SORCS1: variants seen among roughly 807,000 people sequenced by gnomAD.
SORCS1 encodes VPS10 domain-containing receptor SorCS1.
In SORCS1, 60 loss-of-function variants were observed where a neutral mutation model predicts 146.1. That is an observed-to-expected ratio of 0.41 (90% CI 0.33 to 0.51). The LOEUF (loss-of-function observed/expected upper bound fraction) is 0.51, where lower values mean the gene tolerates loss of function less well. Ranked by LOEUF, SORCS1 falls within the 20% of genes least tolerant of loss-of-function variation. The pLI is 0.21. For missense variants in SORCS1, 1,352 were observed against 1,487.6 expected (o/e 0.91, Z 1.50); for synonymous variants, 637 against 584.0 (o/e 1.09, Z -1.31).
At position 107,068,729 on chromosome 10, in the gene SORCS1, G is replaced by A. The variant is rs188536185; in HGVS notation, c.558+95240C>T. Among the ~76,000 whole-genome samples, 196 of 152,246 alleles carry A rather than the reference G, an allele frequency of 1.3e-3. 1 individual carries two copies. The highest frequency in any genetic ancestry group is 2.1e-4 in the South Asian group (1 of 4,826). Reference sequence around the variant, plus strand: ...AAAATACAAAAACAAAATTAGCTGGGCGTGGTGGTGGGGGCCTGTAGTCCC... The same window carrying A: ...AAAATACAAAAACAAAATTAGCTGGACGTGGTGGTGGGGGCCTGTAGTCCC... On this transcript the variant is annotated intron_variant, in intron 1 of 25. Coordinates refer to ENST00000263054, the MANE Select transcript of SORCS1 (RefSeq NM_052918.5).
intron 2 of SORCS1, among the ~76,000 whole-genome samples, chr10:106,952,764 C>T (rs1287629913): frequency 2.0e-5 from 3 of 151,066 alleles, no homozygotes; most frequent in Non-Finnish European, 2.9e-5. Flanking sequence ...TTACTTGAAC[C>T]CAGGAGCTCA....
chr10:106,995,312 T>TG (rs750760293), intron 1 of SORCS1, among the ~76,000 whole-genome samples: 30 of 94,758 alleles, frequency 3.2e-4, no homozygotes, highest in African/African-American at 1.0e-3. Flanking sequence ...AGACTCCATC[T>TG]CAAAAAAAAA....
chr10:106,758,566 C>T (rs867809905), intron 5 of SORCS1, among the ~76,000 whole-genome samples: 1 of 152,184 alleles, frequency 6.6e-6, no homozygotes, highest in Non-Finnish European at 1.5e-5. Context: ...TCATTTATTT[C>T]AGTCCTTCAT....
chr10:107,009,853 T>C (rs1031711007), intron 1 of SORCS1, among the ~76,000 whole-genome samples: 2 of 152,058 alleles, frequency 1.3e-5, no homozygotes, highest in Non-Finnish European at 2.9e-5. Context: ...AATAGGTGCA[T>C]AGGGAGACAA....
At chr10:106,678,475 G>T (rs1288803516) in intron 12 of SORCS1, among the ~76,000 whole-genome samples, 1 of 152,182 alleles carries the variant, frequency 6.6e-6, no homozygotes, top group Non-Finnish European at 1.5e-5. Context: ...ATTTAAAGGA[G>T]AGTGCTCTCA....
chr10:106,813,568 T>C (rs1412386015), intron 3 of SORCS1, among the ~76,000 whole-genome samples: 1 of 152,152 alleles, frequency 6.6e-6, no homozygotes, highest in Non-Finnish European at 1.5e-5. Flanking sequence ...AATATTGTCT[T>C]GTTACAGAAA....
At chr10:107,000,845 C>T (rs1309543522) in intron 1 of SORCS1, among the ~76,000 whole-genome samples, 4 of 151,898 alleles carry the variant, frequency 2.6e-5, no homozygotes, top group Non-Finnish European at 5.9e-5. Flanking sequence ...GGGGAAGGGG[C>T]AATGCCAGTT....
chr10:106,795,635 T>G (rs997268787), intron 3 of SORCS1, among the ~76,000 whole-genome samples: 2 of 152,196 alleles, frequency 1.3e-5, no homozygotes, highest in African/African-American at 4.8e-5. Context: ...TTCTGAGCCA[T>G]TGAAATAATG....
intron 2 of SORCS1, among the ~76,000 whole-genome samples, chr10:106,831,198 T>C (rs1038819004): frequency 6.6e-6 from 1 of 151,888 alleles, no homozygotes; most frequent in Non-Finnish European, 1.5e-5. Flanking sequence ...CAAGACTCCA[T>C]CTCAAAAAAA....
chr10:106,739,781 C>T (rs1857230619), intron 5 of SORCS1, among the ~76,000 whole-genome samples: 1 of 151,754 alleles, frequency 6.6e-6, no homozygotes, highest in South Asian at 2.1e-4. Flanking sequence ...GAAACCCCGT[C>T]TCTACTAAAA....
intron 3 of SORCS1, among the ~76,000 whole-genome samples, chr10:106,807,410 CA>C (rs1388080772): frequency 6.6e-6 from 1 of 152,150 alleles, no homozygotes; most frequent in East Asian, 1.9e-4. Flanking sequence ...CTGGGACTCC[CA>C]ATTACATCTC....
intron 1 of SORCS1, among the ~76,000 whole-genome samples, chr10:107,057,974 G>A: frequency 6.6e-6 from 1 of 152,156 alleles, no homozygotes; most frequent in Non-Finnish European, 1.5e-5. Flanking sequence ...ATGACCCACA[G>A]TGCCTGGCCT....
chr10:106,979,110 C>G (rs1031645021), intron 1 of SORCS1, among the ~76,000 whole-genome samples: 2 of 151,552 alleles, frequency 1.3e-5, no homozygotes, highest in African/African-American at 2.4e-5. Context: ...TGAAATGGAG[C>G]CAAAAAAGAA....
Position 106,983,306 on chromosome 10 carries a change from T to C in SORCS1, c.559-26726A>G, listed in dbSNP as rs1001470493. Among the ~76,000 whole-genome samples, 9 of 149,880 alleles carry C rather than the reference T, an allele frequency of 6.0e-5. No individual in the cohort carries two copies. In the Admixed American group the frequency reaches 6.0e-4, roughly 10 times the overall value. Reference sequence around the variant, plus strand: ...TATTTCTATTCTTAGAAATTAACACTAGGGAAGCAACATATTAATGGGTAA... The same window carrying C: ...TATTTCTATTCTTAGAAATTAACACCAGGGAAGCAACATATTAATGGGTAA... On this transcript the variant is annotated intron_variant, in intron 1 of 25. Coordinates refer to ENST00000263054, the MANE Select transcript of SORCS1 (RefSeq NM_052918.5).
chr10:106,825,247 G>C (rs1948243898), intron 3 of SORCS1, among the ~76,000 whole-genome samples: 1 of 150,568 alleles, frequency 6.6e-6, no homozygotes, highest in Non-Finnish European at 1.5e-5. Context: ...CAGAGAATTT[G>C]AGAGTGAAAT....
At chr10:106,929,772 T>TGC (rs1404120496) in intron 2 of SORCS1, among the ~76,000 whole-genome samples, 1 of 113,182 alleles carries the variant, frequency 8.8e-6, no homozygotes, top group African/African-American at 3.1e-5. Flanking sequence ...CATGTGCACG[T>TGC]GCACACACAC....
chr10:107,071,755 A>G (rs1316000785), intron 1 of SORCS1, among the ~76,000 whole-genome samples: 2 of 152,224 alleles, frequency 1.3e-5, no homozygotes, highest in African/African-American at 4.8e-5. Flanking sequence ...GACAGAAACC[A>G]CATCACTTAC....
chr10:106,690,467 T>C (rs567635200), intron 9 of SORCS1, among the ~76,000 whole-genome samples: 15 of 152,312 alleles, frequency 9.8e-5, no homozygotes, highest in African/African-American at 3.6e-4. Flanking sequence ...CTGGCAAGGG[T>C]GCCAGCGCAG....
At chr10:106,959,339 A>T (rs1338264150) in intron 1 of SORCS1, among the ~76,000 whole-genome samples, 1 of 152,230 alleles carries the variant, frequency 6.6e-6, no homozygotes, top group East Asian at 1.9e-4. Flanking sequence ...TCAGAACAAG[A>T]GCAAGAAAGA....
Sources: gnomAD v4.1 joint callset for allele counts (sites outside exome capture counted in the v4.1 genomes callset) on GRCh38, gnomAD v4.1.1 for gene constraint, MANE v1.5 for transcripts, NCBI Gene and HGNC (gene_info 2026-07-23, HGNC 2026-07-21) for gene names.